Variants in ZFHX3 observed in about 807,000 individuals in gnomAD.
The protein encoded by ZFHX3 is zinc finger homeobox protein 3.
ZFHX3 carries 42 observed loss-of-function variants against 279.1 expected under a neutral mutation model. The observed-to-expected ratio is 0.15, with a 90% confidence interval of 0.12 to 0.19. The LOEUF (loss-of-function observed/expected upper bound fraction) is 0.19, where lower values mean the gene tolerates loss of function less well. ZFHX3 is among the 10% of genes least tolerant of loss of function. ZFHX3 has a pLI of 1.00. For missense variants in ZFHX3, 4,981 were observed against 4,754.0 expected, an observed-to-expected ratio of 1.05 and a Z score of -1.40; for synonymous variants, 2,293 against 1,957.8, an observed-to-expected ratio of 1.17 and a Z score of -4.52.
chr16:73,488,064 T>C (rs554220236), intron 2 of ZFHX3, among the ~76,000 whole-genome samples: 18 of 152,218 alleles, frequency 1.2e-4, no homozygotes, highest in Non-Finnish European at 2.6e-4. Flanking sequence ...AACTGTATCA[T>C]TTTTGTTCCA....
intron 5 of ZFHX3, among the ~76,000 whole-genome samples, chr16:72,827,135 C>T (rs575165990): frequency 3.9e-4 from 59 of 152,294 alleles, no homozygotes; most frequent in African/African-American, 1.4e-3. Context: ...ACATACGCAC[C>T]AAACATCATT....
At chr16:73,396,603 C>T (rs1442644120) in intron 3 of ZFHX3, among the ~76,000 whole-genome samples, 1 of 152,126 alleles carries the variant, frequency 6.6e-6, no homozygotes, top group Non-Finnish European at 1.5e-5. Context: ...GAAGCAAGTA[C>T]ATCTTATATG....
chr16:73,254,757 T>G (rs1019392296), intron 5 of ZFHX3, among the ~76,000 whole-genome samples: 3 of 152,182 alleles, frequency 2.0e-5, no homozygotes, highest in African/African-American at 7.2e-5. Flanking sequence ...AAAAGTCACT[T>G]AAGTAATAGT....
At chr16:73,343,241 A>G (rs1433502614) in intron 3 of ZFHX3, among the ~76,000 whole-genome samples, 1 of 152,148 alleles carries the variant, frequency 6.6e-6, no homozygotes, top group Non-Finnish European at 1.5e-5. Flanking sequence ...GTATGTATGC[A>G]TATATACATT....
At chr16:73,129,710 G>A (rs1966641285) in intron 7 of ZFHX3, among the ~76,000 whole-genome samples, 1 of 128,882 alleles carries the variant, frequency 7.8e-6, no homozygotes, top group Non-Finnish European at 1.8e-5. Flanking sequence ...GTGTGTGCAT[G>A]TGTATGTGTG....
intron 2 of ZFHX3, among the ~76,000 whole-genome samples, chr16:73,503,584 A>G (rs2019274937): frequency 6.6e-6 from 1 of 152,110 alleles, no homozygotes; most frequent in Admixed American, 6.5e-5. Flanking sequence ...TTCAATTACC[A>G]TTGTGTCAGT....
chr16:72,878,094 G>C (rs539549141), intron 4 of ZFHX3, among the ~76,000 whole-genome samples: 4 of 152,112 alleles, frequency 2.6e-5, no homozygotes, highest in African/African-American at 9.6e-5. Flanking sequence ...GAGGCAGGAG[G>C]ATCACTTGAG....
intron 4 of ZFHX3, among the ~76,000 whole-genome samples, chr16:73,295,807 T>G (rs576802975): frequency 2.6e-5 from 4 of 152,152 alleles, no homozygotes; most frequent in Non-Finnish European, 5.9e-5. Context: ...ATGGAAGAGA[T>G]GCATAAGCAA....
chr16:73,186,732 A>G (rs987704301), intron 5 of ZFHX3, among the ~76,000 whole-genome samples: 1 of 152,134 alleles, frequency 6.6e-6, no homozygotes, highest in African/African-American at 2.4e-5. Context: ...GTTGTTACAC[A>G]AGTTAAAAAA....
intron 1 of ZFHX3, among the ~76,000 whole-genome samples, chr16:73,030,459 T>C (rs915625233): frequency 6.6e-6 from 1 of 152,172 alleles, no homozygotes; most frequent in African/African-American, 2.4e-5. Context: ...AGGATGTAAT[T>C]GGTGAGGCAG....
intron 3 of ZFHX3, among the ~76,000 whole-genome samples, chr16:72,940,075 A>C (rs1053107250): frequency 4.6e-5 from 7 of 151,776 alleles, no homozygotes; most frequent in African/African-American, 1.7e-4. Flanking sequence ...ACACCTGGCT[A>C]ATTTTTTAAA....
chr16:72,962,123 G>C (rs541826817), intron 1 of ZFHX3, among the ~76,000 whole-genome samples: 1 of 152,294 alleles, frequency 6.6e-6, no homozygotes, highest in African/African-American at 2.4e-5. Context: ...ATAAATGCTT[G>C]GTAAGTTACA....
intron 1 of ZFHX3, among the ~76,000 whole-genome samples, chr16:73,689,782 A>T (rs1378161124): frequency 2.0e-5 from 3 of 151,994 alleles, no homozygotes; most frequent in African/African-American, 7.2e-5. Flanking sequence ...AGCAAAGCTT[A>T]CCCAGCTCTG....
chr16:73,356,161 C>T (rs1475141455), intron 3 of ZFHX3, among the ~76,000 whole-genome samples: 7 of 152,160 alleles, frequency 4.6e-5, no homozygotes, highest in South Asian at 4.1e-4. Flanking sequence ...TTCTGAATGG[C>T]GGAGTCACCC....
At chr16:72,934,222 C>T (rs1404278726) in intron 3 of ZFHX3, among the ~76,000 whole-genome samples, 2 of 151,956 alleles carry the variant, frequency 1.3e-5, no homozygotes, top group African/African-American at 4.8e-5. Context: ...GTCAGGAGTT[C>T]GAGACCAGCC....
In ZFHX3 at chr16:73,270,523, T is replaced by C. The variant is rs983783951; in HGVS notation, c.-1193-13387A>G. Among the ~76,000 whole-genome samples the C allele has an allele frequency of 3.3e-5, 5 of 152,302 alleles. No homozygotes were observed. The Middle Eastern group carries it at 0.01, about 311-fold the overall frequency. On this transcript the variant is annotated intron_variant, in intron 4 of 17. Transcript: ENST00000641206. The stretch of plus-strand genomic sequence containing the variant: ...TCAAACACAACAGCAGGTGCTTCAA[T>C]AAATATTTGATGATTGACTGAAGCA...
intron 8 of ZFHX3, among the ~76,000 whole-genome samples, chr16:73,086,701 A>G (rs368830813): frequency 5.1e-4 from 77 of 152,226 alleles, no homozygotes; most frequent in African/African-American, 1.7e-3. Context: ...ACAGGAGTTC[A>G]AGACCAGCCT....
chr16:73,515,665 C>T (rs148529334), intron 2 of ZFHX3, among the ~76,000 whole-genome samples: 34 of 152,056 alleles, frequency 2.2e-4, no homozygotes, highest in Middle Eastern at 3.4e-3. Flanking sequence ...TTTAGAAGTA[C>T]GTAATACTGA....
At chr16:73,025,332 C>T (rs533535659) in intron 1 of ZFHX3, among the ~76,000 whole-genome samples, 17 of 152,170 alleles carry the variant, frequency 1.1e-4, no homozygotes, top group Non-Finnish European at 2.2e-4. Flanking sequence ...AGAGGGGGCC[C>T]GGGAAGGGGA....
Sources: gnomAD v4.1 joint callset for allele counts (sites outside exome capture counted in the v4.1 genomes callset) on GRCh38, gnomAD v4.1.1 for gene constraint, MANE v1.5 for transcripts, NCBI Gene and HGNC (gene_info 2026-07-23, HGNC 2026-07-21) for gene names.